Variants in OGN observed in about 807,000 individuals in gnomAD.
OGN encodes the protein mimecan.
Under a neutral mutation model 30.8 loss-of-function variants are expected in OGN, and 19 were observed. The ratio of observed to expected loss-of-function variants is 0.62; its 90% confidence interval spans 0.43 to 0.90. The LOEUF (loss-of-function observed/expected upper bound fraction) is 0.90, where lower values mean the gene tolerates loss of function less well. Among genes scored for constraint, OGN ranks in the 40% least tolerant of loss-of-function variants. OGN has a pLI of 0.00. For synonymous variants in OGN, 126 were observed against 128.3 expected, an observed-to-expected ratio of 0.98 and a Z score of 0.12; for missense variants, 283 against 349.7, an observed-to-expected ratio of 0.81 and a Z score of 1.52.
intron 3 of OGN, among the ~76,000 whole-genome samples, chr9:92,399,518 T>C (rs766269971): frequency 2.0e-5 from 3 of 152,216 alleles, no homozygotes; most frequent in Non-Finnish European, 2.9e-5. Flanking sequence ...TTTTCCCAGT[T>C]TTTAGTTGCC....
At chr9:92,397,054 G>C (rs1247560636) in intron 3 of OGN, among the ~76,000 whole-genome samples, 1 of 151,780 alleles carries the variant, frequency 6.6e-6, no homozygotes, top group Non-Finnish European at 1.5e-5. Flanking sequence ...GCACGTTCCT[G>C]TAGTCCCAGC....
At chr9:92,398,353 G>A (rs1336004674) in intron 3 of OGN, among the ~76,000 whole-genome samples, 2 of 151,870 alleles carry the variant, frequency 1.3e-5, no homozygotes, top group East Asian at 1.9e-4. Context: ...TTGACTATAC[G>A]AAACAGCATT....
intron 2 of OGN, among the ~76,000 whole-genome samples, chr9:92,401,880 C>CT (rs1378055011): frequency 6.6e-6 from 1 of 152,086 alleles, no homozygotes; most frequent in Non-Finnish European, 1.5e-5. Context: ...TCTTTCTGTC[C>CT]TTTGTAAGCA....
At chr9:92,393,031 A>G (rs2130903142) in intron 4 of OGN, 55 bp downstream of exon 4, 1 of 1,434,152 alleles carries the variant, frequency 7.0e-7, no homozygotes, top group Non-Finnish European at 9.6e-7. Context: ...TTGTGTTTAT[A>G]TGAGTTAAAT....
At chr9:92,391,888 A>G (rs1564294295) in intron 4 of OGN, among the ~76,000 whole-genome samples, 1 of 152,186 alleles carries the variant, frequency 6.6e-6, no homozygotes, top group Non-Finnish European at 1.5e-5. Context: ...GGTATTCACA[A>G]ATATGGAATC....
In OGN at chr9:92,386,941, G is replaced by A. The variant is rs563958259; in HGVS notation, c.631-645C>T. Among the ~76,000 whole-genome samples, 10 of 151,684 alleles carry A rather than the reference G, an allele frequency of 6.6e-5. 1 individual carries two copies. The highest frequency in any genetic ancestry group is 1.5e-4 in the African/African-American group (6 of 41,362). ...TGGGCGCCTGTAGTCCCAGCTACTCGGGAGGCTGAGGCAGGAGAATGCTGT... is the reference window on the plus strand; with the variant it reads ...TGGGCGCCTGTAGTCCCAGCTACTCAGGAGGCTGAGGCAGGAGAATGCTGT... On this transcript the variant is annotated intron_variant, in intron 5 of 6. Coordinates refer to ENST00000375561, the MANE Select transcript of OGN (RefSeq NM_014057.5).
intron 6 of OGN, 139 bp from the exon 7 acceptor site, chr9:92,385,929 A>G: frequency 1.3e-6 from 1 of 746,032 alleles, no homozygotes; most frequent in Non-Finnish European, 2.2e-6. Context: ...ATTAGGAAAT[A>G]CTCAAATGTA....
chr9:92,395,136 A>G, intron 3 of OGN, among the ~76,000 whole-genome samples: 1 of 152,260 alleles, frequency 6.6e-6, no homozygotes, highest in East Asian at 1.9e-4. Flanking sequence ...GTTCACTACA[A>G]GTGAGTTAAT....
At chr9:92,388,460 C>G (rs1842527650) in intron 5 of OGN, among the ~76,000 whole-genome samples, 1 of 152,012 alleles carries the variant, frequency 6.6e-6, no homozygotes, top group African/African-American at 2.4e-5. Flanking sequence ...CTGAACCTGT[C>G]CTGATCAACT....
intron 5 of OGN, 36 bp downstream of exon 5, chr9:92,389,818 C>G (rs1413179702): frequency 7.2e-7 from 1 of 1,392,992 alleles, no homozygotes; most frequent in Admixed American, 1.7e-5. Context: ...CATATCATCA[C>G]TCATACTATG....
intron 3 of OGN, among the ~76,000 whole-genome samples, chr9:92,399,472 G>A (rs749118522): frequency 1.3e-5 from 2 of 151,784 alleles, no homozygotes; most frequent in Non-Finnish European, 1.5e-5. Flanking sequence ...TCTTTATCTA[G>A]TGATATTATT....
rs1842365293 is a variant in OGN, at chr9:92,384,945, A to C, written c.*675T>G. The C allele has an allele frequency of 6.6e-6, 1 of 152,530 alleles. No individual in the cohort carries two copies. Among genetic ancestry groups the C allele is most frequent in the Non-Finnish European group, 1.5e-5 (1 of 67,990 alleles). The allele number at this position is 152,530 out of a possible 1,614,324, so 9.4% of individuals were successfully genotyped here. A position where few individuals can be genotyped will look rare whatever the true frequency, so the allele number is the denominator to read the frequency against. ...GACTTAGAATGTTAATATTTAGATA[A>C]AGAAAATATTTTACTGAAGACATTA... is the stretch of plus-strand genomic sequence containing the variant. On this transcript the variant is annotated 3_prime_UTR_variant, in exon 7 of 7. Coordinates refer to ENST00000375561, the MANE Select transcript of OGN (RefSeq NM_014057.5).
chr9:92,390,585 T>TGC (rs781712971), intron 4 of OGN, among the ~76,000 whole-genome samples: 26 of 133,226 alleles, frequency 2.0e-4, no homozygotes, highest in South Asian at 5.1e-4. Flanking sequence ...TGTGTGTGTG[T>TGC]GTGCGCGCGC....
intron 3 of OGN, among the ~76,000 whole-genome samples, chr9:92,400,483 A>G (rs1843067674): frequency 6.6e-6 from 1 of 152,184 alleles, no homozygotes; most frequent in Non-Finnish European, 1.5e-5. Context: ...ATCTATTTTT[A>G]CTATCATACT....
chr9:92,385,936 T>C (rs972464622), intron 6 of OGN, 146 bp from the exon 7 acceptor site: 1 of 735,316 alleles, frequency 1.4e-6, no homozygotes, highest in African/African-American at 1.8e-5. Context: ...AATACTCAAA[T>C]GTACACCTGG....
At chr9:92,389,340 T>C (rs1842573125) in intron 5 of OGN, among the ~76,000 whole-genome samples, 1 of 152,236 alleles carries the variant, frequency 6.6e-6, no homozygotes, top group African/African-American at 2.4e-5. Flanking sequence ...ATTTAATTCT[T>C]ACTACATATA....
Position 92,403,313 on chromosome 9 carries a change from T to C in OGN, c.95A>G (p.Asp32Gly), listed in dbSNP as rs1174556535. 22 of 1,612,704 alleles carry C rather than the reference T, an allele frequency of 1.4e-5. No homozygotes were observed. Among genetic ancestry groups the C allele is most frequent in the Non-Finnish European group, 1.7e-5 (20 of 1,178,930 alleles). The part of the protein sequence containing the change: ...PTQQDSRIIY[D>G]YGTDNFEESI... Reference sequence around the variant, plus strand: ...TTCTTCAAAATTATCTGTTCCATAATCATAGATAATGCGTGAGTCCTGCTG... The same window carrying C: ...TTCTTCAAAATTATCTGTTCCATAACCATAGATAATGCGTGAGTCCTGCTG... The change falls in exon 2 of 7, where the codon GAT becomes GGT. Residue 32 changes from aspartate (D) to glycine (G), a missense_variant. By Grantham distance (94) the Asp-to-Gly change is moderately conservative. Transcript: ENST00000375561.
chr9:92,399,994 C>G (rs1225036059), intron 3 of OGN, among the ~76,000 whole-genome samples: 1 of 151,866 alleles, frequency 6.6e-6, no homozygotes, highest in Non-Finnish European at 1.5e-5. Flanking sequence ...ACATGTTGTT[C>G]CATATGAATT....
intron 2 of OGN, among the ~76,000 whole-genome samples, chr9:92,402,634 A>G (rs1413607804): frequency 2.6e-5 from 4 of 152,216 alleles, no homozygotes; most frequent in Non-Finnish European, 4.4e-5. Flanking sequence ...GTGTTAACTC[A>G]AAGACAGTTA....
Sources: gnomAD v4.1 joint callset for allele counts (sites outside exome capture counted in the v4.1 genomes callset) on GRCh38, gnomAD v4.1.1 for gene constraint, MANE v1.5 for transcripts, NCBI Gene and HGNC (gene_info 2026-07-23, HGNC 2026-07-21) for gene names.